OBI1: variants seen among roughly 807,000 people sequenced by gnomAD.
The protein encoded by OBI1 is ring finger protein 219.
OBI1 carries 59 observed loss-of-function variants against 62.4 expected under a neutral mutation model. The observed-to-expected ratio is 0.95, with a 90% CI of 0.77 to 1.17. The LOEUF (loss-of-function observed/expected upper bound fraction) is 1.17, where lower values mean the gene tolerates loss of function less well. Among genes scored for constraint, OBI1 ranks in the 50% most tolerant of loss-of-function variants. The pLI, the probability that OBI1 is intolerant of heterozygous loss-of-function variation, is 0.00. For missense variants in OBI1, 875 were observed against 830.9 expected, an observed-to-expected ratio of 1.05 and a Z score of -0.65; for synonymous variants, 302 against 292.8, an observed-to-expected ratio of 1.03 and a Z score of -0.32.
At position 78,615,980 on chromosome 13, in the gene OBI1, C is replaced by A. The variant is rs1875263810; in HGVS notation, c.1781G>T (p.Gly594Val). ...EEKTELNLSK[G>V]SLTNDQLENG... ...TTCTAACTGATCATTAGTTAGAGAA[C>A]CTTTGGAAAGGTTTAGCTCAGTTTT... Residue 594 changes from glycine (G) to valine (V), a missense_variant, in exon 6 of 6, where the codon GGT becomes GTT. Gly to Val is a moderately radical substitution (Grantham distance 109, BLOSUM62 -3). Transcript: ENST00000282003. The A allele has an allele frequency of 1.2e-6, 2 of 1,614,012 alleles. No homozygotes were observed. Among genetic ancestry groups the A allele is most frequent in the South Asian group, 2.2e-5 (2 of 91,060 alleles).
Position 78,643,639 on chromosome 13 carries a change from T to A in OBI1, c.208+1223A>T, listed in dbSNP as rs141385184. 6.9e-3 allele frequency among the ~76,000 whole-genome samples: 1,051 copies of A among 152,172 alleles called. 11 individuals are homozygous for A. Among genetic ancestry groups the A allele is most frequent in the African/African-American group, 0.024 (996 of 41,516 alleles). On this transcript the variant is annotated intron_variant, in intron 2 of 5. Transcript: ENST00000282003. ...CCCCGTCTCTAATAAAAATACAAAATTAGCCGGGCGTGGTGATGCATGCAT... is the reference window on the plus strand; with the variant it reads ...CCCCGTCTCTAATAAAAATACAAAAATAGCCGGGCGTGGTGATGCATGCAT...
intron 1 of OBI1, among the ~76,000 whole-genome samples, chr13:78,649,863 G>A (rs979900881): frequency 1.3e-5 from 2 of 152,186 alleles, no homozygotes; most frequent in Non-Finnish European, 2.9e-5. Flanking sequence ...GGAAAAATGA[G>A]GAAATTCATG....
intron 3 of OBI1, 137 bp downstream of exon 3, chr13:78,641,985 T>C (rs919221525): frequency 2.6e-5 from 11 of 426,778 alleles, no homozygotes; most frequent in Non-Finnish European, 4.6e-5. Flanking sequence ...AAAGAATTTA[T>C]CAAACAATTT....
At chr13:78,640,175 T>C (rs1313495197) in intron 3 of OBI1, among the ~76,000 whole-genome samples, 1 of 151,440 alleles carries the variant, frequency 6.6e-6, no homozygotes, top group African/African-American at 2.4e-5. Context: ...TGAAAGTACA[T>C]TGAGGGGGGC....
intron 2 of OBI1, among the ~76,000 whole-genome samples, 180 bp downstream of exon 2, chr13:78,644,682 C>T (rs1254612178): frequency 6.6e-6 from 1 of 151,874 alleles, no homozygotes; most frequent in African/African-American, 2.4e-5. Flanking sequence ...CTCTTAGCAC[C>T]TCTCAGTGCC....
chr13:78,623,620 A>G (rs1875580159), intron 5 of OBI1, among the ~76,000 whole-genome samples: 2 of 152,244 alleles, frequency 1.3e-5, no homozygotes, highest in South Asian at 4.1e-4. Flanking sequence ...ATACTTGAAC[A>G]TAAGGCCCTT....
At chr13:78,658,887 C>G (rs568958229) in intron 1 of OBI1, among the ~76,000 whole-genome samples, 162 bp downstream of exon 1, 1 of 152,162 alleles carries the variant, frequency 6.6e-6, no homozygotes, top group Non-Finnish European at 1.5e-5. Flanking sequence ...GTGCGCTACC[C>G]CCATCTCCCA....
chr13:78,618,381 G>A (rs1875391524), intron 5 of OBI1, among the ~76,000 whole-genome samples: 1 of 150,664 alleles, frequency 6.6e-6, no homozygotes, highest in African/African-American at 2.4e-5. Flanking sequence ...TTAAGAACAT[G>A]TATTTAGTAT....
chr13:78,634,311 T>C (rs1875956005), intron 5 of OBI1, among the ~76,000 whole-genome samples: 1 of 151,618 alleles, frequency 6.6e-6, no homozygotes, highest in Non-Finnish European at 1.5e-5. Flanking sequence ...TTTGTTGTTT[T>C]TGAGACAGAG....
At chr13:78,627,795 G>C (rs770762016) in intron 5 of OBI1, among the ~76,000 whole-genome samples, 1 of 152,008 alleles carries the variant, frequency 6.6e-6, no homozygotes, top group Non-Finnish European at 1.5e-5. Context: ...TTCTTTATAC[G>C]ACACATCATG....
intron 2 of OBI1, among the ~76,000 whole-genome samples, chr13:78,642,781 G>A (rs1177661782): frequency 2.0e-5 from 3 of 152,180 alleles, no homozygotes; most frequent in Admixed American, 6.5e-5. Flanking sequence ...CAGCTACTCA[G>A]GAGGCTAAGG....
At chr13:78,639,848 G>T (rs1223120325) in intron 3 of OBI1, among the ~76,000 whole-genome samples, 1 of 124,170 alleles carries the variant, frequency 8.1e-6, no homozygotes, top group East Asian at 2.6e-4. Flanking sequence ...GTTGTGGGGT[G>T]GGGGGAGGGG....
chr13:78,644,056 C>G (rs186778233), intron 2 of OBI1, among the ~76,000 whole-genome samples: 1 of 152,276 alleles, frequency 6.6e-6, no homozygotes, highest in East Asian at 1.9e-4. Context: ...ACTCCTCCCC[C>G]ACCCCACCAA....
At chr13:78,645,297 G>A (rs74097364) in intron 1 of OBI1, among the ~76,000 whole-genome samples, 5,358 of 152,028 alleles carry the variant, frequency 0.035, 311 homozygotes, top group African/African-American at 0.12. Flanking sequence ...TTCCACTAAG[G>A]CTGGGACAAT....
At chr13:78,626,707 G>A (rs1875676777) in intron 5 of OBI1, among the ~76,000 whole-genome samples, 1 of 152,160 alleles carries the variant, frequency 6.6e-6, no homozygotes, top group Admixed American at 6.5e-5. Flanking sequence ...CACAAGAAGC[G>A]AGGGGCTAGA....
intron 3 of OBI1, among the ~76,000 whole-genome samples, chr13:78,641,013 T>C (rs1034340949): frequency 1.1e-4 from 16 of 152,186 alleles, no homozygotes; most frequent in African/African-American, 3.9e-4. Context: ...GAAATGTTTA[T>C]TATCCTAAAA....
intron 5 of OBI1, among the ~76,000 whole-genome samples, chr13:78,625,883 C>G (rs1875650630): frequency 6.6e-6 from 1 of 152,080 alleles, no homozygotes; most frequent in South Asian, 2.1e-4. Flanking sequence ...TCGTGATAAA[C>G]AAAAAAGGCC....
rs780343005 is a variant in OBI1, at chr13:78,615,967, ATTAG to A, written c.1790_1793del (p.Thr597MetfsTer4). The stretch of plus-strand genomic sequence containing the variant: ...ATTCACTTCCATTTTCTAACTGATC[ATTAG>A]TTAGAGAACCTTTGGAAAGGTTTAG... On this transcript the variant is annotated frameshift_variant, in exon 6 of 6. Transcript: ENST00000282003. LOFTEE classifies it high-confidence loss of function. 12 of 1,613,922 alleles carry A rather than the reference ATTAG, an allele frequency of 7.4e-6. No individual in the cohort carries two copies. Among genetic ancestry groups the A allele is most frequent in the Admixed American group, 3.3e-5 (2 of 59,966 alleles).
At chr13:78,620,510 C>G (rs1014777924) in intron 5 of OBI1, 11 of 403,506 alleles carry the variant, frequency 2.7e-5, no homozygotes, top group Non-Finnish European at 5.4e-5. Flanking sequence ...CACTGCAGAG[C>G]AGTTTGGGAG....
Sources: allele counts gnomAD v4.1 joint callset (sites outside exome capture counted in the v4.1 genomes callset), GRCh38; gene constraint gnomAD v4.1.1; transcripts MANE v1.5; gene names NCBI Gene and HGNC (gene_info 2026-07-23, HGNC 2026-07-21).